Variants in MYH14 observed in about 807,000 individuals in gnomAD.
MYH14 encodes myosin-14.
Under a neutral mutation model 255.5 loss-of-function variants are expected in MYH14, and 123 were observed. That is an observed-to-expected ratio of 0.48 (90% CI 0.42 to 0.56). The LOEUF is 0.56. MYH14 is among the 20% of genes least tolerant of loss of function. MYH14 has a pLI of 0.00. For missense variants in MYH14, 2,423 were observed against 2,802.3 expected, an observed-to-expected ratio of 0.86 and a Z score of 3.06; for synonymous variants, 1,095 against 1,161.2, an observed-to-expected ratio of 0.94 and a Z score of 1.16.
intron 30 of MYH14, among the ~76,000 whole-genome samples, chr19:50,278,558 G>A (rs1223361436): frequency 1.3e-5 from 2 of 151,722 alleles, no homozygotes; most frequent in Non-Finnish European, 2.9e-5. Context: ...ATTTTAATTA[G>A]CCAGGTATGC....
At chr19:50,300,964 C>A (rs10406159) in intron 39 of MYH14, among the ~76,000 whole-genome samples, 2,764 of 148,280 alleles carry the variant, frequency 0.019, 87 homozygotes, top group East Asian at 0.094. Flanking sequence ...AAAAAAAAAA[C>A]CCCACAAAGG....
intron 35 of MYH14, among the ~76,000 whole-genome samples, chr19:50,290,370 C>T (rs1213406650): frequency 6.6e-6 from 1 of 152,212 alleles, no homozygotes; most frequent in Admixed American, 6.5e-5. Context: ...AGTCCAGGAA[C>T]TTCCCATGTC....
chr19:50,249,140 G>GTCCA lies in MYH14; in HGVS notation c.1482+2_1482+5dup. On this transcript the variant is annotated splice_donor_variant, in intron 13 of 42. Coordinates refer to ENST00000642316, the MANE Select transcript of MYH14 (RefSeq NM_001145809.2). LOFTEE classifies it high-confidence loss of function. ...CATCGCGGGCTTTGAGATCTTCCAGGTCCACCCTTGTGCTGGGAGGGGGAT... is the reference window on the plus strand; with the variant it reads ...CATCGCGGGCTTTGAGATCTTCCAGGTCCATCCACCCTTGTGCTGGGAGGGGGAT... The GTCCA allele has an allele frequency of 6.4e-7, 1 of 1,573,980 alleles. No individual in the cohort carries two copies. Among genetic ancestry groups the GTCCA allele is most frequent in the Non-Finnish European group, 8.6e-7 (1 of 1,158,890 alleles).
rs767084290 is a variant in MYH14, at chr19:50,286,567, G to T, written c.4625G>T (p.Arg1542Leu). 6.2e-7 allele frequency: 1 copy of T among 1,610,678 alleles called. No individual in the cohort carries two copies. Among genetic ancestry groups the T allele is most frequent in the African/African-American group, 1.3e-5 (1 of 75,032 alleles). Residue 1542 changes from arginine to leucine, a missense_variant, in exon 34 of 43, where the codon CGG (arginine) becomes CTG (leucine). By Grantham distance (102) the Arg-to-Leu change is moderately radical. This residue lies in a region of MYH14 where 1,513 missense variants were observed against 1,674.8 expected (regional missense o/e 0.90). Coordinates refer to ENST00000642316, the MANE Select transcript of MYH14 (RefSeq NM_001145809.2). ...GCAGAGGGCCGGGAGCGTGAGGCTCGGGCCCTGTCACTGACACGGGCACTG... is the reference window on the plus strand; with the variant it reads ...GCAGAGGGCCGGGAGCGTGAGGCTCTGGCCCTGTCACTGACACGGGCACTG... ...AEAEGREREARALSLTRALEE... is the reference protein window; with the variant it reads ...AEAEGREREALALSLTRALEE...
intron 10 of MYH14, among the ~76,000 whole-genome samples, chr19:50,232,882 C>G (rs1202835970): frequency 6.6e-6 from 1 of 152,018 alleles, no homozygotes; most frequent in Non-Finnish European, 1.5e-5. Flanking sequence ...GTCTCAAACG[C>G]CAGCCTAGGA....
chr19:50,249,940 G>T, intron 14 of MYH14, 117 bp downstream of exon 14: 2 of 1,286,384 alleles, frequency 1.6e-6, no homozygotes, highest in Non-Finnish European at 2.2e-6. Flanking sequence ...CATGGGTTCT[G>T]TGGGGAAGGT....
intron 23 of MYH14, among the ~76,000 whole-genome samples, chr19:50,267,951 C>T (rs1236913080): frequency 6.6e-6 from 1 of 151,940 alleles, no homozygotes; most frequent in African/African-American, 2.4e-5. Flanking sequence ...GAGGGCATCC[C>T]CAGGATTCTG....
Position 50,252,818 on chromosome 19 carries a change from G to A in MYH14, c.1945+65G>A, listed in dbSNP as rs73061170. 0.025 allele frequency: 29,085 copies of A among 1,175,392 alleles called. 469 individuals are homozygous for A. Among genetic ancestry groups the A allele is most frequent in the Middle Eastern group, 0.031 (158 of 5,042 alleles). The allele number at this position is 1,175,392 out of a possible 1,614,324, so 72.8% of individuals were successfully genotyped here. A position where few individuals can be genotyped will look rare whatever the true frequency, so the allele number is the denominator to read the frequency against. On this transcript the variant is annotated intron_variant, in intron 16 of 42. Coordinates refer to ENST00000642316, the MANE Select transcript of MYH14 (RefSeq NM_001145809.2). This position sits in a 1 kb window ranked among gnomAD's most constrained non-coding sequence, Gnocchi z 4.2. ...TGCGGCCATTCTCCAAATCCACAGCGTGAGCACCTTTGTTTCAGAGGCGGA... is the reference window on the plus strand; with the variant it reads ...TGCGGCCATTCTCCAAATCCACAGCATGAGCACCTTTGTTTCAGAGGCGGA...
At chr19:50,253,891 G>A (rs1325963444) in intron 16 of MYH14, among the ~76,000 whole-genome samples, 1 of 152,172 alleles carries the variant, frequency 6.6e-6, no homozygotes, top group Non-Finnish European at 1.5e-5. Flanking sequence ...AAAGGTAGCT[G>A]TAGAAATACC....
Position 50,266,358 on chromosome 19 carries a change from G to A in MYH14, c.2695-519G>A, listed in dbSNP as rs1198507347. On this transcript the variant is annotated intron_variant, in intron 22 of 42. Coordinates refer to ENST00000642316, the MANE Select transcript of MYH14 (RefSeq NM_001145809.2). The surrounding 1 kb of genome is among the most constrained non-coding windows in gnomAD (Gnocchi z 4.1). ...GGTGGATTACTTGAGGCCGGGAGTT[G>A]GAGACCAGCCTGGCCAACATAGCGA... 6.6e-6 allele frequency among the ~76,000 whole-genome samples: 1 copy of A among 152,116 alleles called. No individual in the cohort carries two copies. Among genetic ancestry groups the A allele is most frequent in the Non-Finnish European group, 1.5e-5 (1 of 68,030 alleles).
intron 39 of MYH14, 49 bp from the exon 40 acceptor site, chr19:50,301,612 T>C (rs2036482774): frequency 6.7e-7 from 1 of 1,494,378 alleles, no homozygotes; most frequent in Admixed American, 1.7e-5. Flanking sequence ...ACCTACCACC[T>C]TCCCTCTGAG....
chr19:50,246,646 A>AAAACAAACAAAC lies in MYH14; in HGVS notation c.1211-355_1211-354insCAAACAAACAAA, dbSNP rs2034139265. 9.9e-4 allele frequency among the ~76,000 whole-genome samples: 67 copies of AAAACAAACAAAC among 67,582 alleles called. 1 individual carries two copies. The South Asian group carries it at 0.03, about 30-fold the overall frequency. The allele number at this position is 67,582 out of a possible 152,430, so 44.3% of individuals were successfully genotyped here. A position where few individuals can be genotyped will look rare whatever the true frequency, so the allele number is the denominator to read the frequency against. On this transcript the variant is annotated intron_variant, in intron 11 of 42. Coordinates refer to ENST00000642316, the MANE Select transcript of MYH14 (RefSeq NM_001145809.2). Reference sequence around the variant, plus strand: ...TCAAACAAAACAAAACAAAACAAACAAAAAAACCATCAGAACATTCTTTCA... The same window carrying AAAACAAACAAAC: ...TCAAACAAAACAAAACAAAACAAACAAAACAAACAAACAAAAAACCATCAGAACATTCTTTCA...
chr19:50,272,788 G>C, intron 27 of MYH14, 57 bp downstream of exon 27: 1 of 1,517,726 alleles, frequency 6.6e-7, no homozygotes, highest in South Asian at 1.2e-5. Context: ...GCCAGCCAGC[G>C]TGGGGTGCCC....
chr19:50,286,403 C>CT, intron 33 of MYH14, 79 bp from the exon 34 acceptor site: 1 of 1,317,946 alleles, frequency 7.6e-7, no homozygotes, highest in Non-Finnish European at 1.0e-6. Flanking sequence ...CTGTTCCTGG[C>CT]TGCTCCCTCT....
chr19:50,252,853 C>T lies in MYH14; in HGVS notation c.1945+100C>T. ...TTGTTTCAGAGGCGGAGGTCTGAAC[C>T]TGAGTTTTCTGCTCAGACCCAGAAT... On this transcript the variant is annotated intron_variant, in intron 16 of 42. Coordinates refer to ENST00000642316, the MANE Select transcript of MYH14 (RefSeq NM_001145809.2). The surrounding 1 kb of genome is among the most constrained non-coding windows in gnomAD (Gnocchi z 4.2). The T allele has an allele frequency of 3.9e-6, 3 of 768,452 alleles. No individual in the cohort carries two copies. Among genetic ancestry groups the T allele is most frequent in the Non-Finnish European group, 6.3e-6 (3 of 473,164 alleles). 47.6% of individuals were successfully genotyped at this position (768,452 alleles called of 1,614,324 possible).
intron 26 of MYH14, 77 bp from the exon 27 acceptor site, chr19:50,272,483 G>T: frequency 6.9e-7 from 1 of 1,455,570 alleles, no homozygotes; most frequent in Non-Finnish European, 9.4e-7. Context: ...ATGTGACTGG[G>T]GACCTGTGGT....
rs549592018 is a variant in MYH14, at chr19:50,286,388, T to A, written c.4540-94T>A. 3.2e-4 allele frequency: 395 copies of A among 1,223,790 alleles called. No individual in the cohort carries two copies. The Middle Eastern group carries it at 6.2e-3, about 19-fold the overall frequency. 75.8% of individuals were successfully genotyped at this position (1,223,790 alleles called of 1,614,324 possible). A position where few individuals can be genotyped will look rare whatever the true frequency, so the allele number is the denominator to read the frequency against. On this transcript the variant is annotated intron_variant, in intron 33 of 42. Coordinates refer to ENST00000642316, the MANE Select transcript of MYH14 (RefSeq NM_001145809.2). ...GCCTTTGTCTGTCTCTTTCTCTCTC[T>A]TTCTCTGTTCCTGGCTGCTCCCTCT...
chr19:50,256,556 T>C (rs1349160219), intron 17 of MYH14, among the ~76,000 whole-genome samples: 1 of 152,120 alleles, frequency 6.6e-6, no homozygotes, highest in Non-Finnish European at 1.5e-5. Context: ...GTATTTTTAG[T>C]AGAGATGGGG....
intron 26 of MYH14, 111 bp from the exon 27 acceptor site, chr19:50,272,449 G>A: frequency 8.8e-7 from 1 of 1,130,880 alleles, no homozygotes. Context: ...AAGGCGTTAA[G>A]GGAGGTGCTG....
Sources: allele counts gnomAD v4.1 joint callset (sites outside exome capture counted in the v4.1 genomes callset), GRCh38; gene constraint gnomAD v4.1.1; regional missense constraint gnomAD v4.1.1; non-coding constraint Gnocchi (gnomAD v3.1); transcripts MANE v1.5; gene names NCBI Gene and HGNC (gene_info 2026-07-23, HGNC 2026-07-21).